The following EYS variants were observed in gnomAD, a reference collection of about 807,000 sequenced individuals.
EYS encodes the protein EGF-like photoreceptor maintenance factor.
EYS carries 250 observed loss-of-function variants against 282.1 expected under a neutral mutation model. The ratio of observed to expected loss-of-function variants is 0.89; its 90% confidence interval spans 0.80 to 0.98. The LOEUF is 0.98. Among genes scored for constraint, EYS ranks in the 50% least tolerant of loss-of-function variants. EYS has a pLI of 0.00. For synonymous variants in EYS, 1,355 were observed against 1,282.9 expected (o/e 1.06, Z -1.20); for missense variants, 4,016 against 3,709.0 (o/e 1.08, Z -2.15).
intron 8 of EYS, among the ~76,000 whole-genome samples, chr6:65,364,078 G>T (rs780427622): frequency 6.7e-6 from 1 of 148,582 alleles, no homozygotes; most frequent in Admixed American, 7.5e-5. Context: ...TTTTAAATTT[G>T]TTTTTCCAAA....
At chr6:65,619,226 C>A (rs1265652635) in intron 2 of EYS, among the ~76,000 whole-genome samples, 3 of 151,512 alleles carry the variant, frequency 2.0e-5, no homozygotes, top group Non-Finnish European at 4.4e-5. Context: ...TCTTTTATTT[C>A]ATTGAGCAGT....
At chr6:63,950,914 T>C (rs1236057134) in intron 35 of EYS, among the ~76,000 whole-genome samples, 1 of 152,034 alleles carries the variant, frequency 6.6e-6, no homozygotes, top group East Asian at 1.9e-4. Flanking sequence ...CCGGCGCCTG[T>C]CACATACTTG....
At chr6:65,106,134 G>A (rs184641442) in intron 12 of EYS, among the ~76,000 whole-genome samples, 3,313 of 151,974 alleles carry the variant, frequency 0.022, 80 homozygotes, top group African/African-American at 0.062. Flanking sequence ...TAGACACAAA[G>A]AAACTCTTAC....
chr6:64,377,848 C>T (rs1040148708), intron 29 of EYS: 3 of 152,046 alleles, frequency 2.0e-5, no homozygotes, highest in Non-Finnish European at 4.4e-5. Context: ...GGTTCAAATC[C>T]TCATACCATC....
Position 64,603,475 on chromosome 6 carries a change from G to C in EYS, c.3685-10166C>G, listed in dbSNP as rs538771282. On this transcript the variant is annotated intron_variant, in intron 24 of 42. Transcript: ENST00000503581. ...GAGCACACAGAACTTCGCCCTTCTT[G>C]AAAAAATCCATTAGACAGGAAATCA... Among the ~76,000 whole-genome samples the C allele has an allele frequency of 2.6e-4, 40 of 152,026 alleles. No homozygotes were observed. In the South Asian group the frequency reaches 6.4e-3, roughly 24 times the overall value.
At chr6:65,698,679 A>G (rs948344154) in intron 1 of EYS, among the ~76,000 whole-genome samples, 4 of 152,142 alleles carry the variant, frequency 2.6e-5, no homozygotes, top group African/African-American at 9.7e-5. Context: ...TCTGGTTTCT[A>G]TTACATGAAT....
At chr6:64,788,304 G>A (rs1179181704) in intron 22 of EYS, among the ~76,000 whole-genome samples, 1 of 151,970 alleles carries the variant, frequency 6.6e-6, no homozygotes, top group Admixed American at 6.6e-5. Context: ...TCCTACCTAC[G>A]GCCTGGAAAT....
chr6:64,849,190 T>C (rs1765807218), intron 19 of EYS, among the ~76,000 whole-genome samples: 2 of 151,988 alleles, frequency 1.3e-5, no homozygotes. Context: ...AGCATTCATG[T>C]AGCCAATACA....
At chr6:64,300,667 G>C (rs116320588) in intron 30 of EYS, among the ~76,000 whole-genome samples, 1 of 152,138 alleles carries the variant, frequency 6.6e-6, no homozygotes, top group Non-Finnish European at 1.5e-5. Context: ...GTAAATGAAG[G>C]TTTTGCATGA....
intron 31 of EYS, among the ~76,000 whole-genome samples, chr6:64,122,355 G>C (rs1344607453): frequency 6.6e-6 from 1 of 152,170 alleles, no homozygotes; most frequent in Admixed American, 6.5e-5. Context: ...ATATGAATTA[G>C]TAGAGTAACT....
At chr6:65,569,751 C>T (rs1448277463) in intron 2 of EYS, among the ~76,000 whole-genome samples, 1 of 152,098 alleles carries the variant, frequency 6.6e-6, no homozygotes, top group African/African-American at 2.4e-5. Flanking sequence ...TCCAACCCGA[C>T]CAATCAGCAA....
At chr6:65,244,075 G>A (rs1173276625) in intron 12 of EYS, among the ~76,000 whole-genome samples, 2 of 152,092 alleles carry the variant, frequency 1.3e-5, no homozygotes, top group Non-Finnish European at 2.9e-5. Context: ...CTGATAAATG[G>A]CAATGGTTAG....
intron 36 of EYS, among the ~76,000 whole-genome samples, chr6:63,811,170 C>T (rs1288163510): frequency 6.6e-6 from 1 of 152,202 alleles, no homozygotes; most frequent in Non-Finnish European, 1.5e-5. Flanking sequence ...TCCACATTCC[C>T]CTCTAGCTAC....
At chr6:64,607,289 TAA>T (rs879930111) in intron 24 of EYS, among the ~76,000 whole-genome samples, 7 of 141,846 alleles carry the variant, frequency 4.9e-5, no homozygotes, top group African/African-American at 5.2e-5. Context: ...AAGTTTTGGT[TAA>T]AAAAAAAAAA....
At chr6:64,650,963 G>C (rs925550720) in intron 22 of EYS, among the ~76,000 whole-genome samples, 1 of 151,852 alleles carries the variant, frequency 6.6e-6, no homozygotes, top group Non-Finnish European at 1.5e-5. Flanking sequence ...ACTAATAGAA[G>C]AATAAATACA....
rs910869237 is a variant in EYS, at chr6:64,353,532, C to T, written c.6078+35158G>A. Among the ~76,000 whole-genome samples, 5 of 151,654 alleles carry T rather than the reference C, an allele frequency of 3.3e-5. No homozygotes were observed. The East Asian group carries it at 9.8e-4, about 30-fold the overall frequency. On this transcript the variant is annotated intron_variant, in intron 29 of 42. Transcript: ENST00000503581. ...GCATTAGGAAAATCTCAAAAGCAAA[C>T]AAATTTTTCCCTCTGGGTTTGTTGA...
intron 22 of EYS, among the ~76,000 whole-genome samples, chr6:64,626,911 A>T (rs1359820796): frequency 1.3e-5 from 2 of 152,226 alleles, no homozygotes; most frequent in Admixed American, 6.5e-5. Context: ...GAGACTCTTA[A>T]AATGGAGAAA....
chr6:65,543,904 G>C (rs921145865), intron 2 of EYS, among the ~76,000 whole-genome samples: 1 of 152,006 alleles, frequency 6.6e-6, no homozygotes, highest in Non-Finnish European at 1.5e-5. Flanking sequence ...AGGGTATGAG[G>C]GAGCATAGTA....
At chr6:65,529,506 T>G (rs73447240) in intron 2 of EYS, among the ~76,000 whole-genome samples, 5 of 152,114 alleles carry the variant, frequency 3.3e-5, no homozygotes, top group African/African-American at 1.2e-4. Context: ...CCAGAGGAAG[T>G]TGATTAATAA....
Sources: allele counts gnomAD v4.1 joint callset (sites outside exome capture counted in the v4.1 genomes callset), GRCh38; gene constraint gnomAD v4.1.1; transcripts MANE v1.5; gene names NCBI Gene and HGNC (gene_info 2026-07-23, HGNC 2026-07-21).